The following TBC1D16 variants were observed in gnomAD, a reference collection of about 807,000 sequenced individuals.
TBC1D16 encodes TBC1 domain family member 16.
In TBC1D16, 58 loss-of-function variants were observed where a neutral mutation model predicts 74.7. The ratio of observed to expected loss-of-function variants is 0.78; its 90% CI spans 0.63 to 0.97. TBC1D16 has a LOEUF of 0.97. Among genes scored for constraint, TBC1D16 ranks in the 50% least tolerant of loss-of-function variants. The pLI is 0.00. For missense variants in TBC1D16, 1,014 were observed against 1,079.5 expected, an observed-to-expected ratio of 0.94 and a Z score of 0.85; for synonymous variants, 493 against 474.7, an observed-to-expected ratio of 1.04 and a Z score of -0.50.
At chr17:79,970,716 G>A (rs1200321267) in intron 3 of TBC1D16, among the ~76,000 whole-genome samples, 2 of 152,182 alleles carry the variant, frequency 1.3e-5, no homozygotes. Context: ...ACTCTAGAGA[G>A]GTGGACCTGG....
rs1377437662 is a variant in TBC1D16 at position 79,980,893 on chromosome 17, C to A, written c.780-28075G>T. 1.3e-5 allele frequency among the ~76,000 whole-genome samples: 2 copies of A among 152,108 alleles called. No individual in the cohort carries two copies. The highest frequency in any genetic ancestry group is 2.9e-5 in the Non-Finnish European group (2 of 68,028). ...AGCCTGTGAGTTGAGCCAGAGCTGACCGGGAGCTGCTGGGACCATGGCTAG... is the reference window on the plus strand; with the variant it reads ...AGCCTGTGAGTTGAGCCAGAGCTGAACGGGAGCTGCTGGGACCATGGCTAG... On this transcript the variant is annotated intron_variant, in intron 3 of 11. Transcript: ENST00000310924. The surrounding 1 kb of genome is among the most constrained non-coding windows in gnomAD (Gnocchi z 7.0).
At chr17:79,999,223 T>TC in intron 3 of TBC1D16, among the ~76,000 whole-genome samples, 1 of 150,926 alleles carries the variant, frequency 6.6e-6, no homozygotes, top group East Asian at 2.0e-4. Flanking sequence ...ACCACTGCAC[T>TC]CCAGCCTGGG....
In TBC1D16 at chr17:79,980,954, A is replaced by G. The variant is rs2034555445; in HGVS notation, c.780-28136T>C. On this transcript the variant is annotated intron_variant, in intron 3 of 11. Transcript: ENST00000310924. The surrounding 1 kb of genome is among the most constrained non-coding windows in gnomAD (Gnocchi z 7.0). The stretch of plus-strand genomic sequence containing the variant: ...GTGACCTGGGCCCCGGGAGGCCCTG[A>G]GGGAACTGGTGGGTACTCTCCAGCA... Among the ~76,000 whole-genome samples the G allele has an allele frequency of 6.6e-6, 1 of 152,186 alleles. No homozygotes were observed. Among genetic ancestry groups the G allele is most frequent in the Non-Finnish European group, 1.5e-5 (1 of 68,022 alleles).
chr17:79,949,748 G>C lies in TBC1D16; in HGVS notation c.1375C>G (p.Arg459Gly), dbSNP rs1245916329. 1 of 1,612,996 alleles carries C rather than the reference G, an allele frequency of 6.2e-7. No individual in the cohort carries two copies. The highest frequency in any genetic ancestry group is 1.1e-5 in the South Asian group (1 of 91,068). The change falls in exon 7 of 12, where the codon CGA becomes GGA. Residue 459 changes from arginine (R) to glycine (G), a missense_variant. Arg to Gly is a moderately radical substitution (Grantham distance 125). Transcript: ENST00000310924. ...EEREALRLQK[R>G]KEYSEIQQKR... ...TGCTGGATCTCAGAGTACTCCTTTC[G>C]CTTCTGCAGCCGCAGCGCCTCCCGC...
At chr17:80,030,635 A>G (rs988023058) in intron 1 of TBC1D16, among the ~76,000 whole-genome samples, 1 of 152,202 alleles carries the variant, frequency 6.6e-6, no homozygotes, top group African/African-American at 2.4e-5. Flanking sequence ...CACCGGCCTC[A>G]GGGCCACCTT....
intron 3 of TBC1D16, among the ~76,000 whole-genome samples, chr17:79,997,312 G>A (rs1040986035): frequency 6.6e-6 from 1 of 152,044 alleles, no homozygotes; most frequent in Non-Finnish European, 1.5e-5. Context: ...ATGTCACCAT[G>A]GGGGGAAGTG....
In TBC1D16 at chr17:79,949,815, G is replaced by A. The variant is rs1269310616; in HGVS notation, c.1308C>T (p.Pro436=). 4 of 1,613,856 alleles carry A rather than the reference G, an allele frequency of 2.5e-6. No homozygotes were observed. The South Asian group carries it at 3.3e-5, about 13-fold the overall frequency. The change falls in exon 7 of 12, where the codon CCC becomes CCT. Residue 436 remains proline (P), a synonymous_variant. Coordinates refer to ENST00000310924, the MANE Select transcript of TBC1D16 (RefSeq NM_019020.4). ...IDVSIRGEVW[P]FLLRYYSHES... is the part of the protein sequence containing the mutation. ...CGTGGCTGTAATAGCGCAGCAGGAA[G>A]GGCCAGACCTCCCCGCGGATTGACA...
chr17:79,985,470 C>T lies in TBC1D16; in HGVS notation c.779+24690G>A, dbSNP rs559802661. On this transcript the variant is annotated intron_variant, in intron 3 of 11. Coordinates refer to ENST00000310924, the MANE Select transcript of TBC1D16 (RefSeq NM_019020.4). The surrounding 1 kb of genome is among the most constrained non-coding windows in gnomAD (Gnocchi z 4.9). ...CTCACTTTTTTTGGACAGGGAAGCT[C>T]GGCTGTGGGTGCGAAGCAGGACTGC... Among the ~76,000 whole-genome samples, 7 of 152,278 alleles carry T rather than the reference C, an allele frequency of 4.6e-5. No homozygotes were observed. The East Asian group carries it at 9.6e-4, about 21-fold the overall frequency.
intron 1 of TBC1D16, among the ~76,000 whole-genome samples, chr17:80,016,114 C>T (rs1377478683): frequency 2.0e-5 from 3 of 151,718 alleles, no homozygotes; most frequent in African/African-American, 4.8e-5. Context: ...ACGCCTGCTA[C>T]AGCATGGATG....
Position 80,008,830 on chromosome 17 carries a change from G to A in TBC1D16, c.779+1330C>T. ...CATCTTTACTGGAGGGATAAAATCA[G>A]GGAAGAACCCGTCCCACAGTCACCC... On this transcript the variant is annotated intron_variant, in intron 3 of 11. Coordinates refer to ENST00000310924, the MANE Select transcript of TBC1D16 (RefSeq NM_019020.4). The surrounding 1 kb of genome is among the most constrained non-coding windows in gnomAD (Gnocchi z 4.5). Among the ~76,000 whole-genome samples, 1 of 152,226 alleles carries A rather than the reference G, an allele frequency of 6.6e-6. No homozygotes were observed. Among genetic ancestry groups the A allele is most frequent in the Admixed American group, 6.5e-5 (1 of 15,294 alleles).
intron 4 of TBC1D16, among the ~76,000 whole-genome samples, 159 bp from the exon 5 acceptor site, chr17:79,951,756 A>G (rs2033067058): frequency 6.6e-6 from 1 of 152,116 alleles, no homozygotes; most frequent in South Asian, 2.1e-4. Flanking sequence ...ACAGAACTAC[A>G]CCGAACAAAA....
chr17:79,969,824 C>T (rs1219254161), intron 3 of TBC1D16, among the ~76,000 whole-genome samples: 2 of 152,104 alleles, frequency 1.3e-5, no homozygotes, highest in Non-Finnish European at 2.9e-5. Flanking sequence ...TGCCTGTAAT[C>T]CCAGCTACTT....
intron 1 of TBC1D16, chr17:80,026,053 C>G (rs928880631): frequency 6.7e-6 from 1 of 150,124 alleles, no homozygotes; most frequent in Non-Finnish European, 1.5e-5. Flanking sequence ...TCAGAAGCAA[C>G]CGAGATGTTC....
intron 3 of TBC1D16, among the ~76,000 whole-genome samples, chr17:79,995,410 G>A (rs1026587373): frequency 2.6e-5 from 4 of 152,154 alleles, no homozygotes; most frequent in Middle Eastern, 3.4e-3. Context: ...CAAACGACGC[G>A]GGAGTCATTG....
At chr17:79,947,005 G>C (rs1303268358) in intron 9 of TBC1D16, among the ~76,000 whole-genome samples, 3 of 152,204 alleles carry the variant, frequency 2.0e-5, no homozygotes, top group Non-Finnish European at 4.4e-5. Flanking sequence ...GCTGAGAACA[G>C]TGAGCAGGTG....
At chr17:80,032,976 A>G (rs192381083) in intron 1 of TBC1D16, among the ~76,000 whole-genome samples, 180 of 152,322 alleles carry the variant, frequency 1.2e-3, no homozygotes, top group African/African-American at 3.8e-3. Context: ...AGCATCCTGC[A>G]GGGACCCAGC....
rs2035725784 is a variant in TBC1D16 at position 80,007,592 on chromosome 17, C to T, written c.779+2568G>A. Among the ~76,000 whole-genome samples the T allele has an allele frequency of 6.6e-6, 1 of 152,186 alleles. No homozygotes were observed. Among genetic ancestry groups the T allele is most frequent in the South Asian group, 2.1e-4 (1 of 4,828 alleles). On this transcript the variant is annotated intron_variant, in intron 3 of 11. Transcript: ENST00000310924. The surrounding 1 kb of genome is among the most constrained non-coding windows in gnomAD (Gnocchi z 4.5). ...GAAGGGGGCCATGGGGAGGGCCCTCCTCAGCCCAGGGTTCGGGGGAATAGA... is the reference window on the plus strand; with the variant it reads ...GAAGGGGGCCATGGGGAGGGCCCTCTTCAGCCCAGGGTTCGGGGGAATAGA...
rs3080725 is a variant in TBC1D16 at position 79,973,722 on chromosome 17, G to A, written c.780-20904C>T. On this transcript the variant is annotated intron_variant, in intron 3 of 11. Transcript: ENST00000310924. ...GAGACTCTGTCTCAAAAAAAAAAAA[G>A]AAAAAAAAATTACAACAAAAAATTA... Among the ~76,000 whole-genome samples the A allele has an allele frequency of 8.4e-3, 625 of 74,246 alleles. 10 individuals are homozygous for A. The highest frequency in any genetic ancestry group is 0.014 in the South Asian group (25 of 1,820). 48.7% of individuals were successfully genotyped at this position (74,246 alleles called of 152,430 possible).
At chr17:80,017,551 C>T (rs2036132528) in intron 1 of TBC1D16, among the ~76,000 whole-genome samples, 1 of 151,830 alleles carries the variant, frequency 6.6e-6, no homozygotes, top group South Asian at 2.1e-4. Flanking sequence ...CGTGATGGTG[C>T]ATGCCTGTGA....
Sources: gnomAD v4.1 joint callset for allele counts (sites outside exome capture counted in the v4.1 genomes callset) on GRCh38, gnomAD v4.1.1 for gene constraint, Gnocchi (gnomAD v3.1) non-coding constraint, MANE v1.5 for transcripts, NCBI Gene and HGNC (gene_info 2026-07-23, HGNC 2026-07-21) for gene names.